Variants in SETDB2 observed in about 807,000 individuals in gnomAD.
SETDB2 encodes SET domain bifurcated histone lysine methyltransferase 2.
Under a neutral mutation model 82.5 loss-of-function variants are expected in SETDB2, and 56 were observed. The observed-to-expected ratio is 0.68, with a 90% CI of 0.55 to 0.85. The LOEUF (loss-of-function observed/expected upper bound fraction) is 0.85. Ranked by LOEUF, SETDB2 falls within the 40% of genes least tolerant of loss-of-function variation. SETDB2 has a pLI of 0.00. For synonymous variants in SETDB2, 272 were observed against 284.9 expected (o/e 0.95, Z 0.46); for missense variants, 677 against 816.4 (o/e 0.83, Z 2.08).
intron 8 of SETDB2, chr13:49,482,499 G>A: frequency 1.0e-5 from 3 of 289,522 alleles, no homozygotes; most frequent in Non-Finnish European, 1.0e-5. Context: ...CTTCTCTTTT[G>A]TATTATACCA....
Position 49,451,763 on chromosome 13 carries a change from T to A in SETDB2, c.-131T>A. 1.7e-6 allele frequency: 1 copy of A among 582,246 alleles called. No individual in the cohort carries two copies. The highest frequency in any genetic ancestry group is 3.0e-6 in the Non-Finnish European group (1 of 333,028). The allele number at this position is 582,246 out of a possible 1,614,324, so 36.1% of individuals were successfully genotyped here. ...AAAGGATACCAGGTTTAGAATGGTA[T>A]AATGATGTATTTTGTCTGAGGACTG... On this transcript the variant is annotated 5_prime_UTR_variant, in exon 2 of 14. The change abolishes the stop of an existing upstream ORF in the 5' untranslated region. Transcript: ENST00000611815.
intron 13 of SETDB2, 37 bp downstream of exon 13, chr13:49,490,947 G>A (rs9591264): frequency 0.044 from 67,776 of 1,541,078 alleles, 3,732 homozygotes; most frequent in African/African-American, 0.25. Context: ...TTCTGAAATT[G>A]TGACTTTAAA....
At chr13:49,448,485 T>G (rs1278966887) in intron 1 of SETDB2, among the ~76,000 whole-genome samples, 1 of 152,204 alleles carries the variant, frequency 6.6e-6, no homozygotes, top group Non-Finnish European at 1.5e-5. Context: ...ATGTATTACT[T>G]CAACCGATCA....
chr13:49,453,059 A>G (rs543029955), intron 2 of SETDB2, among the ~76,000 whole-genome samples: 1 of 152,230 alleles, frequency 6.6e-6, no homozygotes, highest in South Asian at 2.1e-4. Flanking sequence ...GTGGGGATTT[A>G]TGCTCCCCCT....
At chr13:49,463,260 C>T (rs1346012902) in intron 4 of SETDB2, among the ~76,000 whole-genome samples, 1 of 152,140 alleles carries the variant, frequency 6.6e-6, no homozygotes, top group Non-Finnish European at 1.5e-5. Context: ...AACTGCCTGC[C>T]TCGGCCTCCC....
At chr13:49,470,294 G>A (rs1482188074) in intron 5 of SETDB2, among the ~76,000 whole-genome samples, 1 of 152,106 alleles carries the variant, frequency 6.6e-6, no homozygotes, top group Non-Finnish European at 1.5e-5. Flanking sequence ...AGCATTCTGA[G>A]ATCTTTTCAG....
At chr13:49,466,865 A>G (rs1958126147) in intron 4 of SETDB2, among the ~76,000 whole-genome samples, 1 of 130,734 alleles carries the variant, frequency 7.6e-6, no homozygotes, top group Admixed American at 8.9e-5. Flanking sequence ...TCTGTTGCTC[A>G]GGGGGGCCTT....
At chr13:49,464,403 A>G (rs1467601635) in intron 4 of SETDB2, among the ~76,000 whole-genome samples, 3 of 152,170 alleles carry the variant, frequency 2.0e-5, no homozygotes, top group African/African-American at 7.2e-5. Flanking sequence ...ACTATATCTC[A>G]TCTGGACAAT....
At chr13:49,467,765 A>G (rs1325978630) in intron 4 of SETDB2, 99 bp from the exon 5 acceptor site, 1 of 758,554 alleles carries the variant, frequency 1.3e-6, no homozygotes, top group Non-Finnish European at 2.0e-6. Context: ...TTAGGGATCC[A>G]TATGGGCAGA....
chr13:49,485,881 G>T (rs771694501), intron 11 of SETDB2, 158 bp downstream of exon 11: 6 of 778,756 alleles, frequency 7.7e-6, no homozygotes, highest in African/African-American at 1.7e-5. Context: ...AAAATATCGT[G>T]TGTGGGCCAA....
In SETDB2 at chr13:49,460,111, T is replaced by C. The variant is rs1461070013; in HGVS notation, c.21T>C (p.Asp7=). Residue 7 remains aspartate (D), a synonymous_variant, in exon 3 of 14, where the codon GAT becomes GAC. Coordinates refer to ENST00000611815, the MANE Select transcript of SETDB2 (RefSeq NM_001160308.3). ...AGTCACTTATTTTTATTTTAGGCGA[T>C]GCAAAAACTTTCTGGATGGAGCTAG... is the stretch of plus-strand genomic sequence containing the variant. MGEKNG[D]AKTFWMELED... is the part of the protein sequence containing the mutation. The C allele has an allele frequency of 1.2e-6, 2 of 1,610,448 alleles. No homozygotes were observed. Among genetic ancestry groups the C allele is most frequent in the Admixed American group, 3.4e-5 (2 of 59,214 alleles).
Position 49,481,023 on chromosome 13 carries a change from G to A in SETDB2, c.1063G>A (p.Val355Met), listed in dbSNP as rs764588975. The A allele has an allele frequency of 2.5e-6, 4 of 1,614,224 alleles. No homozygotes were observed. The Admixed American group carries it at 6.7e-5, about 27-fold the overall frequency. The change falls in exon 8 of 14, where the codon GTG becomes ATG. Residue 355 changes from valine (V) to methionine (M), a missense_variant. This residue lies in a region of SETDB2 where 420 missense variants were observed against 554.6 expected (regional missense o/e 0.76). Coordinates refer to ENST00000611815, the MANE Select transcript of SETDB2 (RefSeq NM_001160308.3). ...CCGAGTTGTCCAACATGGTCCTCAA[G>A]TGAGGTTACAGGTGTTCAAAACTGA... ...QNRVVQHGPQVRLQVFKTEQK... is the reference protein window; with the variant it reads ...QNRVVQHGPQMRLQVFKTEQK...
intron 1 of SETDB2, chr13:49,445,936 CA>C (rs34496594): frequency 2.2e-3 from 283 of 130,662 alleles, no homozygotes; most frequent in South Asian, 7.2e-3. Flanking sequence ...GACTCCGTCT[CA>C]AAAAAAAAAA....
chr13:49,456,333 A>G (rs1331707361), intron 2 of SETDB2, among the ~76,000 whole-genome samples: 1 of 152,168 alleles, frequency 6.6e-6, no homozygotes, highest in Non-Finnish European at 1.5e-5. Flanking sequence ...CTGTTTACAA[A>G]GACTGTCTAG....
rs1279500535 is a variant in SETDB2, at chr13:49,481,016, T to C, written c.1056T>C (p.Gly352=). The change falls in exon 8 of 14, where the codon GGT becomes GGC. Residue 352 remains glycine, a synonymous_variant. Coordinates refer to ENST00000611815, the MANE Select transcript of SETDB2 (RefSeq NM_001160308.3). ...QLCQNRVVQH[G]PQVRLQVFKT... ...GTCAAAACCGAGTTGTCCAACATGG[T>C]CCTCAAGTGAGGTTACAGGTGTTCA... 1 of 1,614,208 alleles carries C rather than the reference T, an allele frequency of 6.2e-7. No individual in the cohort carries two copies. Among genetic ancestry groups the C allele is most frequent in the Non-Finnish European group, 8.5e-7 (1 of 1,180,006 alleles).
rs111817590 is a variant in SETDB2, at chr13:49,481,205, A to T, written c.1156+89A>T. ...TCCTAGCCAGGGCTGTTGAGAGCTT[A>T]CAGCAAGGTAAAGAGTAACAGTATC... On this transcript the variant is annotated intron_variant, in intron 8 of 13. Coordinates refer to ENST00000611815, the MANE Select transcript of SETDB2 (RefSeq NM_001160308.3). 53 of 1,212,492 alleles carry T rather than the reference A, an allele frequency of 4.4e-5. 1 individual carries two copies. The Middle Eastern group carries it at 6.3e-4, about 14-fold the overall frequency. The allele number at this position is 1,212,492 out of a possible 1,614,324, so 75.1% of individuals were successfully genotyped here.
intron 4 of SETDB2, 121 bp from the exon 5 acceptor site, chr13:49,467,743 T>C: frequency 1.8e-6 from 1 of 543,776 alleles, no homozygotes; most frequent in Non-Finnish European, 3.0e-6. Flanking sequence ...AACCTTACTA[T>C]GTTTGCAAAT....
chr13:49,471,934 A>ATATATATATATATATTTTT (rs1378783393), intron 5 of SETDB2, among the ~76,000 whole-genome samples: 21 of 119,252 alleles, frequency 1.8e-4, no homozygotes, highest in African/African-American at 7.6e-4. Flanking sequence ...ATATATATAT[A>ATATATATATATATATTTTT]TTTTTTTTTT....
At chr13:49,470,966 C>CTTTCTTTCTTTTTTTTTTTTTTTTT (rs10695231) in intron 5 of SETDB2, among the ~76,000 whole-genome samples, 2 of 80,486 alleles carry the variant, frequency 2.5e-5, no homozygotes, top group Non-Finnish European at 4.2e-5. Context: ...TTCTTTCTTT[C>CTTTCTTTCTTTTTTTTTTTTTTTTT]TTTTTTTTTT....
Sources: gnomAD v4.1 joint callset for allele counts (sites outside exome capture counted in the v4.1 genomes callset) on GRCh38, gnomAD v4.1.1 for gene constraint, gnomAD v4.1.1 regional missense constraint, MANE v1.5 for transcripts, NCBI Gene and HGNC (gene_info 2026-07-23, HGNC 2026-07-21) for gene names.